The following EIF3B variants were observed in gnomAD, a reference collection of about 807,000 sequenced individuals.
EIF3B encodes the protein eukaryotic translation initiation factor 3 subunit 9.
EIF3B carries 10 observed loss-of-function variants against 104.6 expected under a neutral mutation model. The observed-to-expected ratio is 0.10, with a 90% CI of 0.06 to 0.16. The LOEUF (loss-of-function observed/expected upper bound fraction) is 0.16, where lower values mean the gene tolerates loss of function less well. Ranked by LOEUF, EIF3B falls within the 10% of genes least tolerant of loss-of-function variation. The probability of loss-of-function intolerance (pLI) is 1.00; values close to 1 mark genes in which losing one functional copy is unlikely to be tolerated. For synonymous variants in EIF3B, 542 were observed against 417.2 expected (o/e 1.30, Z -3.65); for missense variants, 1,014 against 1,087.9 (o/e 0.93, Z 0.96).
At chr7:2,369,846 G>A (rs964141115) in intron 10 of EIF3B, among the ~76,000 whole-genome samples, 164 bp downstream of exon 10, 4 of 128,554 alleles carry the variant, frequency 3.1e-5, no homozygotes, top group African/African-American at 6.0e-5. Context: ...GTGCGATTTC[G>A]GCTCACTGCA....
rs553414636 is a variant in EIF3B, at chr7:2,380,297, G to A, written c.*108G>A. The stretch of plus-strand genomic sequence containing the variant: ...GTTGCAGCGCAGCCGTGTGTGCTGT[G>A]GAGCCGAGGCCGTCCTGCAGGAAGC... On this transcript the variant is annotated 3_prime_UTR_variant, in exon 19 of 19. Coordinates refer to ENST00000360876, the MANE Select transcript of EIF3B (RefSeq NM_001037283.2). 17 of 514,812 alleles carry A rather than the reference G, an allele frequency of 3.3e-5. No individual in the cohort carries two copies. The highest frequency in any genetic ancestry group is 3.3e-4 in the African/African-American group (17 of 52,022). The allele number at this position is 514,812 out of a possible 1,614,324, so 31.9% of individuals were successfully genotyped here.
chr7:2,367,700 C>T (rs1415727649), intron 9 of EIF3B, among the ~76,000 whole-genome samples: 1 of 151,948 alleles, frequency 6.6e-6, no homozygotes, highest in Non-Finnish European at 1.5e-5. Context: ...AAACTCCTGA[C>T]CTTGTGATCT....
intron 18 of EIF3B, chr7:2,379,720 C>T (rs528241828): frequency 3.7e-6 from 2 of 547,606 alleles, no homozygotes; most frequent in Admixed American, 3.2e-5. Context: ...TTGCAGATGG[C>T]GCCTTTCAGG....
intron 3 of EIF3B, 52 bp from the exon 4 acceptor site, chr7:2,363,018 G>A: frequency 6.2e-7 from 1 of 1,600,080 alleles, no homozygotes; most frequent in Admixed American, 1.7e-5. Flanking sequence ...CCCACGAGTT[G>A]CTCTTTCTAG....
chr7:2,364,916 T>C (rs922753933), intron 6 of EIF3B, among the ~76,000 whole-genome samples: 1 of 152,226 alleles, frequency 6.6e-6, no homozygotes, highest in African/African-American at 2.4e-5. Flanking sequence ...GTATAATACT[T>C]ACTTTCCTTC....
chr7:2,363,588 A>T (rs368656459), intron 4 of EIF3B, 44 bp from the exon 5 acceptor site: 138 of 1,554,362 alleles, frequency 8.9e-5, no homozygotes, highest in Middle Eastern at 3.4e-4. Context: ...TGAGTTTTTT[A>T]TTAAAATTAA....
At position 2,364,423 on chromosome 7, in the gene EIF3B, A is replaced by G; in HGVS notation, c.1051A>G (p.Thr351Ala). 6.2e-7 allele frequency: 1 copy of G among 1,613,218 alleles called. No individual in the cohort carries two copies. The highest frequency in any genetic ancestry group is 8.5e-7 in the Non-Finnish European group (1 of 1,179,676). ...GTCTCCTAAGGGCACCTACCTGGCT[A>G]CCTTTCATCAAAGAGGCATTGCTCT... ...RWSPKGTYLA[T>A]FHQRGIALWG... Residue 351 changes from threonine (T) to alanine (A), a missense_variant, in exon 6 of 19, where the codon ACC (threonine) becomes GCC (alanine). Physicochemically the swap from Thr to Ala is moderately conservative, Grantham distance 58. This residue lies in a region of EIF3B where 201 missense variants were observed against 240.7 expected (regional missense o/e 0.83). Transcript: ENST00000360876.
chr7:2,355,392 G>C lies in EIF3B; in HGVS notation c.471G>C (p.Glu157Asp). Residue 157 changes from glutamate (E) to aspartate (D), a missense_variant, in exon 1 of 19, where the codon GAG (glutamate) becomes GAC (aspartate). Transcript: ENST00000360876. ...DADEPSFSDP[E>D]DFVDDVSEEE... Reference sequence around the variant, plus strand: ...ACGAGCCCTCCTTCAGCGACCCCGAGGACTTCGTGGACGACGTGAGCGAGG... The same window carrying C: ...ACGAGCCCTCCTTCAGCGACCCCGACGACTTCGTGGACGACGTGAGCGAGG... 1.3e-6 allele frequency: 2 copies of C among 1,493,406 alleles called. No homozygotes were observed. Among genetic ancestry groups the C allele is most frequent in the Non-Finnish European group, 1.8e-6 (2 of 1,123,490 alleles). 92.5% of individuals were successfully genotyped at this position (1,493,406 alleles called of 1,614,324 possible).
chr7:2,377,594 A>G (rs1364188096), intron 15 of EIF3B, among the ~76,000 whole-genome samples: 3 of 104,346 alleles, frequency 2.9e-5, no homozygotes, highest in Non-Finnish European at 5.5e-5. Flanking sequence ...CCTGGGTGTC[A>G]TGGAGGAAGG....
At position 2,354,925 on chromosome 7, in the gene EIF3B, C is replaced by T. The variant is rs1252801571; in HGVS notation, c.4C>T (p.Gln2Ter). Reference sequence around the variant, plus strand: ...GCGAGTAGGCAGCGTTGGGCCCATGCAGGACGCGGAGAACGTGGCGGTGCC... The same window carrying T: ...GCGAGTAGGCAGCGTTGGGCCCATGTAGGACGCGGAGAACGTGGCGGTGCC... M[Q>*]DAENVAVPEA... is the part of the protein sequence containing the mutation. Residue 2 changes from glutamine to a stop codon, truncating the protein, a stop_gained, in exon 1 of 19, where the codon CAG becomes TAG. Transcript: ENST00000360876. LOFTEE classifies it high-confidence loss of function. The T allele has an allele frequency of 1.6e-6, 2 of 1,230,542 alleles. No homozygotes were observed. The highest frequency in any genetic ancestry group is 2.0e-6 in the Non-Finnish European group (2 of 977,934). 76.2% of individuals were successfully genotyped at this position (1,230,542 alleles called of 1,614,324 possible).
chr7:2,363,826 T>A (rs1779868683), intron 5 of EIF3B, 66 bp downstream of exon 5: 3 of 1,536,646 alleles, frequency 2.0e-6, no homozygotes, highest in Non-Finnish European at 2.6e-6. Context: ...AAAGTGGAAC[T>A]TTGTTTCTAT....
chr7:2,369,765 A>ATTT lies in EIF3B; in HGVS notation c.1614+111_1614+113dup, dbSNP rs552367791. 255 of 366,064 alleles carry ATTT rather than the reference A, an allele frequency of 7.0e-4. 2 individuals are homozygous for ATTT. The highest frequency in any genetic ancestry group is 1.6e-3 in the South Asian group (61 of 36,980). 22.7% of individuals were successfully genotyped at this position (366,064 alleles called of 1,614,324 possible). A position where few individuals can be genotyped will look rare whatever the true frequency, so the allele number is the denominator to read the frequency against. ...CGTATTGTTTGGAGGGTGTTAATGG[A>ATTT]TTTTTTTTTTTTTTTTTTTTTTTTT... On this transcript the variant is annotated intron_variant, in intron 10 of 18. Coordinates refer to ENST00000360876, the MANE Select transcript of EIF3B (RefSeq NM_001037283.2).
Position 2,354,939 on chromosome 7 carries a change from C to T in EIF3B, c.18C>T (p.Asn6=), listed in dbSNP as rs777361202. The change falls in exon 1 of 19, where the codon AAC becomes AAT. Residue 6 remains asparagine (N), a synonymous_variant. Coordinates refer to ENST00000360876, the MANE Select transcript of EIF3B (RefSeq NM_001037283.2). The part of the protein sequence containing the change: MQDAE[N]VAVPEAAEER... ...TTGGGCCCATGCAGGACGCGGAGAA[C>T]GTGGCGGTGCCCGAGGCGGCCGAGG... 8.2e-6 allele frequency: 10 copies of T among 1,226,984 alleles called. No homozygotes were observed. Among genetic ancestry groups the T allele is most frequent in the Middle Eastern group, 6.7e-4 (2 of 3,000 alleles). 76.0% of individuals were successfully genotyped at this position (1,226,984 alleles called of 1,614,324 possible).
At position 2,369,659 on chromosome 7, in the gene EIF3B, G is replaced by A. The variant is rs778526216; in HGVS notation, c.1591G>A (p.Asp531Asn). 5 of 1,609,698 alleles carry A rather than the reference G, an allele frequency of 3.1e-6. No homozygotes were observed. The highest frequency in any genetic ancestry group is 2.5e-6 in the Non-Finnish European group (3 of 1,177,236). ...KNGDYLCVKV[D>N]RTPKGTQGVV... ...CGGAGACTACTTGTGTGTGAAAGTA[G>A]ATAGGACTCCGAAAGGCACCCAGGT... Residue 531 changes from aspartate to asparagine, a missense_variant, in exon 10 of 19, where the codon GAT (aspartate) becomes AAT (asparagine). Asp to Asn is a conservative substitution (Grantham distance 23, BLOSUM62 1). Transcript: ENST00000360876.
intron 16 of EIF3B, 100 bp from the exon 17 acceptor site, chr7:2,379,034 G>T: frequency 1.0e-6 from 1 of 992,028 alleles, no homozygotes; most frequent in Non-Finnish European, 1.5e-6. Flanking sequence ...GAGTGCCTCT[G>T]TATGCTGTCC....
At chr7:2,376,867 A>G in intron 14 of EIF3B, 83 bp from the exon 15 acceptor site, 2 of 1,546,250 alleles carry the variant, frequency 1.3e-6, no homozygotes, top group Non-Finnish European at 1.8e-6. Context: ...CCCGATACCC[A>G]GGACCTTGTT....
intron 18 of EIF3B, chr7:2,379,910 T>G: frequency 3.9e-6 from 1 of 257,964 alleles, no homozygotes; most frequent in Non-Finnish European, 7.7e-6. Flanking sequence ...ACAAGAGCCT[T>G]CCAAGTCGGG....
rs1780034994 is a variant in EIF3B at position 2,366,501 on chromosome 7, C to T, written c.1290-24C>T. 3 of 1,614,008 alleles carry T rather than the reference C, an allele frequency of 1.9e-6. No individual in the cohort carries two copies. The African/African-American group carries it at 4.0e-5, about 22-fold the overall frequency. ...TAGCCTTTGTCTTTTCATGGGAATA[C>T]CCTGGCACTTTTGTTTTTCTTAGGT... On this transcript the variant is annotated intron_variant, in intron 7 of 18. Transcript: ENST00000360876.
At chr7:2,374,841 C>G (rs1583178056) in intron 13 of EIF3B, 2 of 435,124 alleles carry the variant, frequency 4.6e-6, no homozygotes. Context: ...CGTGAAGTGA[C>G]CAGGCAGACC....
Sources: gnomAD v4.1 joint callset for allele counts (sites outside exome capture counted in the v4.1 genomes callset) on GRCh38, gnomAD v4.1.1 for gene constraint, gnomAD v4.1.1 regional missense constraint, MANE v1.5 for transcripts, NCBI Gene and HGNC (gene_info 2026-07-23, HGNC 2026-07-21) for gene names.